The following PRKDC variants were observed in gnomAD, a reference collection of about 807,000 sequenced individuals.
The protein encoded by PRKDC is DNA-dependent protein kinase catalytic subunit.
In PRKDC, 82 loss-of-function variants were observed where a neutral mutation model predicts 486.9. The ratio of observed to expected loss-of-function variants is 0.17; its 90% CI spans 0.14 to 0.20. The LOEUF is 0.20. Ranked by LOEUF, PRKDC falls within the 10% of genes least tolerant of loss-of-function variation. The pLI, the probability that PRKDC is intolerant of heterozygous loss-of-function variation, is 1.00. For synonymous variants in PRKDC, 1,895 were observed against 1,837.0 expected (o/e 1.03, Z -0.81); for missense variants, 4,504 against 5,038.2 (o/e 0.89, Z 3.21).
At position 47,776,993 on chromosome 8, in the gene PRKDC, A is replaced by C. The variant is rs539126182; in HGVS notation, c.12043-10T>G. 1.9e-6 allele frequency: 3 copies of C among 1,607,500 alleles called. No individual in the cohort carries two copies. The highest frequency in any genetic ancestry group is 2.2e-5 in the East Asian group (1 of 44,846). ...TTTTCTGTTCAAAATTCTAGAAGAAAAGAACATGATTTTCCCGGCTGATCA... is the reference window on the plus strand; with the variant it reads ...TTTTCTGTTCAAAATTCTAGAAGAACAGAACATGATTTTCCCGGCTGATCA... On this transcript the variant is annotated splice_polypyrimidine_tract_variant and intron_variant, in intron 84 of 85. Transcript: ENST00000314191.
intron 68 of PRKDC, among the ~76,000 whole-genome samples, chr8:47,811,993 C>A (rs992037109): frequency 6.6e-6 from 1 of 152,082 alleles, no homozygotes; most frequent in Non-Finnish European, 1.5e-5. Flanking sequence ...AAAAGTATTT[C>A]CACCGTGGCA....
chr8:47,818,375 C>T (rs1382790389), intron 67 of PRKDC, among the ~76,000 whole-genome samples: 2 of 151,720 alleles, frequency 1.3e-5, no homozygotes, highest in Non-Finnish European at 2.9e-5. Flanking sequence ...GTCAGGAGAT[C>T]GAGACCATCC....
chr8:47,923,997 A>C (rs921326775), intron 21 of PRKDC, among the ~76,000 whole-genome samples: 1 of 152,202 alleles, frequency 6.6e-6, no homozygotes, highest in African/African-American at 2.4e-5. Flanking sequence ...AACAAAAAAA[A>C]CCACTAGGAA....
At chr8:47,914,975 T>C (rs2089963810) in intron 23 of PRKDC, among the ~76,000 whole-genome samples, 1 of 152,050 alleles carries the variant, frequency 6.6e-6, no homozygotes, top group Non-Finnish European at 1.5e-5. Context: ...AAATGGTAAT[T>C]CTCATTTGGA....
chr8:47,826,525 T>C (rs2087741123), intron 63 of PRKDC, 131 bp downstream of exon 63: 2 of 947,434 alleles, frequency 2.1e-6, no homozygotes, highest in South Asian at 1.9e-5. Context: ...TGAAAGACTT[T>C]TCTTTTAAAT....
chr8:47,840,371 C>T (rs972509866), intron 54 of PRKDC, among the ~76,000 whole-genome samples, 182 bp from the exon 55 acceptor site: 6 of 152,084 alleles, frequency 3.9e-5, no homozygotes, highest in Non-Finnish European at 8.8e-5. Flanking sequence ...AGACAAATTA[C>T]TTCATGTGCT....
chr8:47,939,305 G>A (rs8178018), intron 11 of PRKDC, among the ~76,000 whole-genome samples: 31 of 152,320 alleles, frequency 2.0e-4, no homozygotes, highest in African/African-American at 7.5e-4. Flanking sequence ...CAGTCACCCT[G>A]TGGAAGCCTC....
chr8:47,887,537 T>G lies in PRKDC; in HGVS notation c.4572+10A>C. 2 of 1,564,552 alleles carry G rather than the reference T, an allele frequency of 1.3e-6. No homozygotes were observed. Among genetic ancestry groups the G allele is most frequent in the Non-Finnish European group, 1.7e-6 (2 of 1,155,242 alleles). Reference sequence around the variant, plus strand: ...TAGGGGAGTGCAGCATGCAGAGGCGTTTTTCCTACCAGTCCTCCAAAAGCA... The same window carrying G: ...TAGGGGAGTGCAGCATGCAGAGGCGGTTTTCCTACCAGTCCTCCAAAAGCA... On this transcript the variant is annotated intron_variant, in intron 35 of 85. Coordinates refer to ENST00000314191, the MANE Select transcript of PRKDC (RefSeq NM_006904.7).
intron 7 of PRKDC, among the ~76,000 whole-genome samples, chr8:47,952,422 T>C (rs2090639623): frequency 6.6e-6 from 1 of 152,220 alleles, no homozygotes; most frequent in Non-Finnish European, 1.5e-5. Context: ...AAACCACAGA[T>C]GGAGACAGAT....
chr8:47,866,727 C>T (rs2088826982), intron 40 of PRKDC, among the ~76,000 whole-genome samples: 1 of 151,976 alleles, frequency 6.6e-6, no homozygotes, highest in African/African-American at 2.4e-5. Context: ...TAGTATATTA[C>T]AAATAAGGGA....
intron 30 of PRKDC, among the ~76,000 whole-genome samples, chr8:47,896,940 T>C (rs992057327): frequency 6.6e-6 from 1 of 152,256 alleles, no homozygotes. Context: ...ACTGCTTTCC[T>C]TTAATATGAT....
chr8:47,924,838 CCA>C (rs774232864), intron 21 of PRKDC, among the ~76,000 whole-genome samples: 16 of 152,178 alleles, frequency 1.1e-4, no homozygotes, highest in Non-Finnish European at 1.9e-4. Context: ...CAATGCAACT[CCA>C]CAGTGTCCAT....
Position 47,936,534 on chromosome 8 carries a change from A to G in PRKDC, c.1114-17T>C. On this transcript the variant is annotated splice_polypyrimidine_tract_variant and intron_variant, in intron 11 of 85. Transcript: ENST00000314191. ...CTTGCACGGCTTTAGAAAAGGTAAA[A>G]CAGAAGTCTTCATCAATCTTATCAA... 1 of 1,613,384 alleles carries G rather than the reference A, an allele frequency of 6.2e-7. No individual in the cohort carries two copies. The highest frequency in any genetic ancestry group is 8.5e-7 in the Non-Finnish European group (1 of 1,179,434).
intron 5 of PRKDC, 112 bp from the exon 6 acceptor site, chr8:47,954,031 AG>A: frequency 1.6e-6 from 1 of 616,942 alleles, no homozygotes. Context: ...TTGATTTTAC[AG>A]TAAGAGATAT....
At chr8:47,796,701 G>GT (rs1245464272) in intron 73 of PRKDC, among the ~76,000 whole-genome samples, 1 of 151,918 alleles carries the variant, frequency 6.6e-6, no homozygotes, top group Non-Finnish European at 1.5e-5. Flanking sequence ...CTGGGTTCAA[G>GT]TGATTTTCCT....
chr8:47,929,329 A>G (rs927412418), intron 18 of PRKDC, among the ~76,000 whole-genome samples, 151 bp from the exon 19 acceptor site: 1 of 152,248 alleles, frequency 6.6e-6, no homozygotes, highest in African/African-American at 2.4e-5. Flanking sequence ...CTCTGCAGAC[A>G]TTTCAAGGCA....
rs187289792 is a variant in PRKDC, at chr8:47,914,899, C to G, written c.2617+429G>C. On this transcript the variant is annotated intron_variant, in intron 23 of 85. Coordinates refer to ENST00000314191, the MANE Select transcript of PRKDC (RefSeq NM_006904.7). ...CAAACTCCTGAGCGCAGGCAATCTTCCCACCTCAGCCTCCCAAAGTGCTGG... is the reference window on the plus strand; with the variant it reads ...CAAACTCCTGAGCGCAGGCAATCTTGCCACCTCAGCCTCCCAAAGTGCTGG... Among the ~76,000 whole-genome samples the G allele has an allele frequency of 1.6e-3, 242 of 152,268 alleles. 1 individual carries two copies. The highest frequency in any genetic ancestry group is 5.6e-3 in the African/African-American group (234 of 41,558).
chr8:47,800,003 G>T (rs929826714), intron 71 of PRKDC, among the ~76,000 whole-genome samples: 2 of 152,132 alleles, frequency 1.3e-5, no homozygotes, highest in Admixed American at 6.5e-5. Context: ...TAAAATTCAT[G>T]ATTTTTAATA....
intron 31 of PRKDC, 44 bp downstream of exon 31, chr8:47,893,095 T>A (rs974680741): frequency 6.6e-7 from 1 of 1,513,786 alleles, no homozygotes; most frequent in Non-Finnish European, 8.9e-7. Flanking sequence ...CCAGGGTGAC[T>A]CTGGCAGCAC....
Sources: gnomAD v4.1 joint callset for allele counts (sites outside exome capture counted in the v4.1 genomes callset) on GRCh38, gnomAD v4.1.1 for gene constraint, MANE v1.5 for transcripts, NCBI Gene and HGNC (gene_info 2026-07-23, HGNC 2026-07-21) for gene names.